PCDHA2: variants seen among roughly 807,000 people sequenced by gnomAD.
PCDHA2 encodes protocadherin alpha-2.
Under a neutral mutation model 66.0 loss-of-function variants are expected in PCDHA2, and 58 were observed. That is an observed-to-expected ratio of 0.88 (90% CI 0.71 to 1.09). The LOEUF (loss-of-function observed/expected upper bound fraction) is 1.09, where lower values mean the gene tolerates loss of function less well. Ranked by LOEUF, PCDHA2 falls within the 50% of genes least tolerant of loss-of-function variation. The pLI is 0.00. For missense variants in PCDHA2, 1,267 were observed against 1,242.3 expected (o/e 1.02, Z -0.30); for synonymous variants, 634 against 554.0 (o/e 1.14, Z -2.03).
At position 140,883,968 on chromosome 5, in the gene PCDHA2, C is replaced by G. The variant is rs201548026; in HGVS notation, c.2388+86616C>G. 34 of 1,613,020 alleles carry G rather than the reference C, an allele frequency of 2.1e-5. No homozygotes were observed. The East Asian group carries it at 7.4e-4, about 35-fold the overall frequency. ...AACGACAACGCTCCGGCGCTGCTGACGCCCGGGGCTGGCAGCGCGGGAGGC... is the reference window on the plus strand; with the variant it reads ...AACGACAACGCTCCGGCGCTGCTGAGGCCCGGGGCTGGCAGCGCGGGAGGC... On this transcript the variant is annotated intron_variant, in intron 1 of 3. Coordinates refer to ENST00000526136, the MANE Select transcript of PCDHA2 (RefSeq NM_018905.3).
chr5:140,828,704 G>A (rs2150158084), intron 1 of PCDHA2: 1 of 1,614,238 alleles, frequency 6.2e-7, no homozygotes, highest in South Asian at 1.1e-5. Flanking sequence ...CAGAGAGGAA[G>A]CTCCTGCACA....
chr5:140,896,564 A>G (rs1475217228), intron 1 of PCDHA2, among the ~76,000 whole-genome samples: 1 of 150,096 alleles, frequency 6.7e-6, no homozygotes, highest in African/African-American at 2.5e-5. Flanking sequence ...TTAAGTAGAG[A>G]TGGGGTTTTG....
At chr5:140,799,175 A>G (rs537052888) in intron 1 of PCDHA2, among the ~76,000 whole-genome samples, 11 of 152,220 alleles carry the variant, frequency 7.2e-5, no homozygotes, top group Admixed American at 2.6e-4. Context: ...TTATTCACTG[A>G]TACTTTATCT....
chr5:140,806,732 A>G (rs1224826422), intron 1 of PCDHA2, among the ~76,000 whole-genome samples: 3 of 152,250 alleles, frequency 2.0e-5, no homozygotes. Flanking sequence ...GTTTACAGTT[A>G]CATGTTTACA....
At chr5:140,985,075 C>G (rs1477852280) in intron 3 of PCDHA2, among the ~76,000 whole-genome samples, 2 of 151,968 alleles carry the variant, frequency 1.3e-5, no homozygotes, top group Non-Finnish European at 2.9e-5. Context: ...GTAGCTGAGA[C>G]TACAGGCGTG....
chr5:140,838,073 ATATAGTGTGTGTGTGTGTGT>A (rs1417460358), intron 1 of PCDHA2, among the ~76,000 whole-genome samples: 1 of 126,728 alleles, frequency 7.9e-6, no homozygotes, highest in African/African-American at 3.2e-5. Context: ...AGTTATATAT[ATATAGTGTGTGTGTGTGTGT>A]GTGTGTGTGT....
At chr5:140,919,387 G>A (rs180927321) in intron 1 of PCDHA2, among the ~76,000 whole-genome samples, 420 of 152,292 alleles carry the variant, frequency 2.8e-3, no homozygotes, top group Middle Eastern at 6.8e-3. Context: ...ATAGTTGGAT[G>A]TTGTTTTCCT....
intron 1 of PCDHA2, chr5:140,928,543 A>G: frequency 6.2e-7 from 1 of 1,614,204 alleles, no homozygotes; most frequent in Non-Finnish European, 8.5e-7. Context: ...TAGGAATGAC[A>G]ATTATCCGGT....
chr5:140,966,290 G>A (rs2095989541), intron 1 of PCDHA2: 3 of 375,186 alleles, frequency 8.0e-6, no homozygotes, highest in Non-Finnish European at 1.4e-5. Flanking sequence ...GGGGTAGGGA[G>A]AAAGGGAGTG....
intron 1 of PCDHA2, among the ~76,000 whole-genome samples, chr5:140,846,525 C>T (rs140986120): frequency 1.3e-5 from 2 of 148,378 alleles, no homozygotes; most frequent in East Asian, 3.9e-4. Context: ...CAGGTGCATG[C>T]CACCATGCCC....
chr5:140,902,572 G>A (rs1249141591), intron 1 of PCDHA2, among the ~76,000 whole-genome samples: 1 of 151,954 alleles, frequency 6.6e-6, no homozygotes, highest in Non-Finnish European at 1.5e-5. Flanking sequence ...GGGTTTTTAA[G>A]ATTTCAATAG....
At chr5:141,006,119 T>C (rs1327328997) in intron 3 of PCDHA2, among the ~76,000 whole-genome samples, 14 of 152,070 alleles carry the variant, frequency 9.2e-5, no homozygotes, top group South Asian at 4.2e-4. Context: ...TTTTTTTTTT[T>C]CTCAAGGCAG....
In PCDHA2 at chr5:140,845,149, T is replaced by C. The variant is rs1779719048; in HGVS notation, c.2388+47797T>C. On this transcript the variant is annotated intron_variant, in intron 1 of 3. Coordinates refer to ENST00000526136, the MANE Select transcript of PCDHA2 (RefSeq NM_018905.3). ...TTTATTTGACTATTTGAACACATTGTGTAAAAGCGAATTGTTTTCATTTTA... is the reference window on the plus strand; with the variant it reads ...TTTATTTGACTATTTGAACACATTGCGTAAAAGCGAATTGTTTTCATTTTA... 1.3e-5 allele frequency among the ~76,000 whole-genome samples: 2 copies of C among 149,682 alleles called. 1 individual carries two copies. The highest frequency in any genetic ancestry group is 1.3e-4 in the Admixed American group (2 of 14,942).
At chr5:140,871,314 G>T in intron 1 of PCDHA2, 2 of 1,614,048 alleles carry the variant, frequency 1.2e-6, no homozygotes, top group Non-Finnish European at 1.7e-6. Flanking sequence ...GGAAGCCCAC[G>T]CTGGTGTGCT....
At position 140,796,376 on chromosome 5, in the gene PCDHA2, G is replaced by T. The variant is rs1359187318; in HGVS notation, c.1412G>T (p.Gly471Val). The T allele has an allele frequency of 1.2e-6, 2 of 1,613,308 alleles. No individual in the cohort carries two copies. The highest frequency in any genetic ancestry group is 1.7e-6 in the Non-Finnish European group (2 of 1,179,878). ...TTCGTGAAGGAGAACAACCCGCCGG[G>T]CTGCCACATCTTCACGGTGTCAGCG... ...TVFVKENNPP[G>V]CHIFTVSAWD... Residue 471 changes from glycine to valine, a missense_variant, in exon 1 of 4, where the codon GGC (glycine) becomes GTC (valine). Physicochemically the swap from Gly to Val is moderately radical, Grantham distance 109 (BLOSUM62 -3). Coordinates refer to ENST00000526136, the MANE Select transcript of PCDHA2 (RefSeq NM_018905.3).
intron 1 of PCDHA2, chr5:140,836,717 G>A: frequency 6.2e-7 from 1 of 1,612,788 alleles, no homozygotes; most frequent in South Asian, 1.1e-5. Flanking sequence ...GCCTTCCTCA[G>A]GGTCCATCCT....
rs200732213 is a variant in PCDHA2, at chr5:140,863,214, A to G, written c.2388+65862A>G. On this transcript the variant is annotated intron_variant, in intron 1 of 3. Transcript: ENST00000526136. ...TGGCGTCGCTGGCGGAGAGCAGCCA[A>G]GCGAGGAAGGTCCCATCGCGGGCTT... The G allele has an allele frequency of 2.6e-3, 2,761 of 1,068,920 alleles. 12 individuals carry two copies. The highest frequency in any genetic ancestry group is 9.8e-3 in the Middle Eastern group (44 of 4,506). The allele number at this position is 1,068,920 out of a possible 1,614,324, so 66.2% of individuals were successfully genotyped here. A position where few individuals can be genotyped will look rare whatever the true frequency, so the allele number is the denominator to read the frequency against.
intron 1 of PCDHA2, chr5:140,884,140 G>C: frequency 6.2e-7 from 1 of 1,613,412 alleles, no homozygotes; most frequent in Non-Finnish European, 8.5e-7. Context: ...CGTTCCGCGT[G>C]GGGCTGTACA....
At chr5:140,816,513 G>T (rs2126672756) in intron 1 of PCDHA2, 8 of 151,612 alleles carry the variant, frequency 5.3e-5, no homozygotes, top group Non-Finnish European at 1.2e-4. Context: ...GTGTTTGTGT[G>T]TGTGTGTGTG....
Sources: allele counts gnomAD v4.1 joint callset (sites outside exome capture counted in the v4.1 genomes callset), GRCh38; gene constraint gnomAD v4.1.1; transcripts MANE v1.5; gene names NCBI Gene and HGNC (gene_info 2026-07-23, HGNC 2026-07-21).